HECW1: variants seen among roughly 807,000 people sequenced by gnomAD.
HECW1 encodes E3 ubiquitin-protein ligase HECW1.
Under a neutral mutation model 182.3 loss-of-function variants are expected in HECW1, and 61 were observed. The ratio of observed to expected loss-of-function variants is 0.33; its 90% CI spans 0.27 to 0.41. The LOEUF (loss-of-function observed/expected upper bound fraction) is 0.41. Ranked by LOEUF, HECW1 falls within the 10% of genes least tolerant of loss-of-function variation. The pLI is 1.00. For synonymous variants in HECW1, 859 were observed against 832.6 expected (o/e 1.03, Z -0.55); for missense variants, 1,739 against 2,108.9 (o/e 0.82, Z 3.44).
At chr7:43,377,449 G>C (rs2074377325) in intron 6 of HECW1, among the ~76,000 whole-genome samples, 1 of 152,032 alleles carries the variant, frequency 6.6e-6, no homozygotes, top group Non-Finnish European at 1.5e-5. Flanking sequence ...ATTAATCTCA[G>C]GTTCTAGTAG....
intron 12 of HECW1, among the ~76,000 whole-genome samples, chr7:43,454,158 G>C (rs1193563222): frequency 6.6e-6 from 1 of 152,154 alleles, no homozygotes; most frequent in Non-Finnish European, 1.5e-5. Flanking sequence ...ACCTTTGTCT[G>C]CGAAGGACCC....
At chr7:43,487,171 A>C (rs2078677398) in intron 17 of HECW1, among the ~76,000 whole-genome samples, 1 of 152,164 alleles carries the variant, frequency 6.6e-6, no homozygotes, top group Non-Finnish European at 1.5e-5. Context: ...CAGTGTTTGC[A>C]GAGAGAGGGT....
intron 2 of HECW1, among the ~76,000 whole-genome samples, chr7:43,117,104 G>A (rs560710825): frequency 6.6e-6 from 1 of 152,248 alleles, no homozygotes; most frequent in Admixed American, 6.5e-5. Context: ...ATATTAAGGG[G>A]AAAGATTTGT....
chr7:43,547,344 C>A (rs947608820), intron 26 of HECW1, among the ~76,000 whole-genome samples: 5 of 152,142 alleles, frequency 3.3e-5, no homozygotes, highest in African/African-American at 1.2e-4. Flanking sequence ...GTCAAGAGAT[C>A]GAGACCATCC....
At chr7:43,280,825 C>A (rs899241626) in intron 3 of HECW1, among the ~76,000 whole-genome samples, 4 of 152,088 alleles carry the variant, frequency 2.6e-5, no homozygotes, top group Non-Finnish European at 5.9e-5. Flanking sequence ...CTCAGGTGGA[C>A]AATAACACTC....
chr7:43,268,050 C>A (rs1801981180), intron 3 of HECW1, among the ~76,000 whole-genome samples: 1 of 152,110 alleles, frequency 6.6e-6, no homozygotes, highest in African/African-American at 2.4e-5. Flanking sequence ...TGCTAGAATC[C>A]CTTTAAATTA....
chr7:43,323,688 A>G (rs1359386540), intron 5 of HECW1, among the ~76,000 whole-genome samples: 1 of 152,208 alleles, frequency 6.6e-6, no homozygotes, highest in Non-Finnish European at 1.5e-5. Context: ...GGCATAATGG[A>G]ATGAAAGCAT....
chr7:43,313,401 G>T (rs1176083732), intron 4 of HECW1, among the ~76,000 whole-genome samples: 1 of 149,452 alleles, frequency 6.7e-6, no homozygotes, highest in Non-Finnish European at 1.5e-5. Flanking sequence ...TCAGTGGTGC[G>T]ATCTCAGCTC....
At chr7:43,555,394 A>G (rs963233597) in intron 29 of HECW1, among the ~76,000 whole-genome samples, 18 of 152,190 alleles carry the variant, frequency 1.2e-4, no homozygotes, top group Admixed American at 9.8e-4. Context: ...TAATCCCAGC[A>G]CTTCCTGAAT....
chr7:43,460,656 T>C (rs2077552756), intron 13 of HECW1, among the ~76,000 whole-genome samples: 1 of 152,172 alleles, frequency 6.6e-6, no homozygotes, highest in Admixed American at 6.5e-5. Context: ...TTTAACCTTT[T>C]GCTACAAAAA....
chr7:43,467,409 G>T (rs986754883), intron 15 of HECW1, among the ~76,000 whole-genome samples: 1 of 151,964 alleles, frequency 6.6e-6, no homozygotes, highest in African/African-American at 2.4e-5. Flanking sequence ...TAAGTCCAGG[G>T]TGGTGAGTGT....
At chr7:43,283,178 G>A (rs1049113396) in intron 3 of HECW1, among the ~76,000 whole-genome samples, 2 of 151,524 alleles carry the variant, frequency 1.3e-5, no homozygotes, top group African/African-American at 4.8e-5. Flanking sequence ...GGGGACCCCT[G>A]GAAGGCCCCC....
intron 6 of HECW1, among the ~76,000 whole-genome samples, chr7:43,381,373 G>A (rs2074542548): frequency 6.6e-6 from 1 of 152,092 alleles, no homozygotes; most frequent in Non-Finnish European, 1.5e-5. Flanking sequence ...CAAAGCTGGA[G>A]GGCAATGGCT....
chr7:43,136,279 G>A (rs1787528702), intron 2 of HECW1, among the ~76,000 whole-genome samples: 1 of 152,090 alleles, frequency 6.6e-6, no homozygotes, highest in Non-Finnish European at 1.5e-5. Flanking sequence ...ATCTCCTAGG[G>A]CTTATTTTGA....
At chr7:43,262,449 G>A (rs1042520613) in intron 3 of HECW1, among the ~76,000 whole-genome samples, 1 of 152,106 alleles carries the variant, frequency 6.6e-6, no homozygotes, top group African/African-American at 2.4e-5. Flanking sequence ...GCAGGGATAA[G>A]TCCTGGGCTT....
intron 4 of HECW1, among the ~76,000 whole-genome samples, chr7:43,316,469 T>C (rs1440970551): frequency 6.6e-6 from 1 of 152,198 alleles, no homozygotes; most frequent in African/African-American, 2.4e-5. Flanking sequence ...CTAAGACCAC[T>C]AGCTGTATTA....
chr7:43,321,529 G>T (rs191661180), intron 5 of HECW1, among the ~76,000 whole-genome samples: 1 of 152,246 alleles, frequency 6.6e-6, no homozygotes, highest in East Asian at 1.9e-4. Flanking sequence ...CTTACCTTCA[G>T]TCCACAGCTC....
chr7:43,416,189 A>T (rs2075988711), intron 8 of HECW1, among the ~76,000 whole-genome samples: 1 of 149,834 alleles, frequency 6.7e-6, no homozygotes. Flanking sequence ...GATGATGGTG[A>T]TGTACAGATG....
chr7:43,323,477 T>C (rs1034918782), intron 5 of HECW1, among the ~76,000 whole-genome samples: 2 of 151,888 alleles, frequency 1.3e-5, no homozygotes, highest in Non-Finnish European at 2.9e-5. Context: ...TCGCAGCTAC[T>C]TGGGAGGCTG....
Sources: gnomAD v4.1 joint callset for allele counts (sites outside exome capture counted in the v4.1 genomes callset) on GRCh38, gnomAD v4.1.1 for gene constraint, MANE v1.5 for transcripts, NCBI Gene and HGNC (gene_info 2026-07-23, HGNC 2026-07-21) for gene names.